The following UBAC2 variants were observed in gnomAD, a reference collection of about 807,000 sequenced individuals.
UBAC2 encodes the protein UBA domain containing 2.
In UBAC2, 26 loss-of-function variants were observed where a neutral mutation model predicts 44.0. The observed-to-expected ratio is 0.59, with a 90% confidence interval of 0.43 to 0.82. The LOEUF (loss-of-function observed/expected upper bound fraction) is 0.82, where lower values mean the gene tolerates loss of function less well. UBAC2 is among the 40% of genes least tolerant of loss of function. The pLI, the probability that UBAC2 is intolerant of heterozygous loss-of-function variation, is 0.00. For missense variants in UBAC2, 329 were observed against 419.4 expected (o/e 0.78, Z 1.88); for synonymous variants, 155 against 154.3 (o/e 1.00, Z -0.04).
chr13:99,330,760 C>T (rs1209202955), intron 6 of UBAC2, among the ~76,000 whole-genome samples: 1 of 152,168 alleles, frequency 6.6e-6, no homozygotes, highest in Admixed American at 6.5e-5. Context: ...TTGAGTTTTT[C>T]ACCATTGAGG....
chr13:99,201,775 T>C (rs956936279), intron 1 of UBAC2, among the ~76,000 whole-genome samples: 2 of 152,084 alleles, frequency 1.3e-5, no homozygotes, highest in African/African-American at 2.4e-5. Flanking sequence ...CATTTCCAAA[T>C]ATTAAAGATC....
At chr13:99,328,624 T>A (rs2044672725) in intron 6 of UBAC2, among the ~76,000 whole-genome samples, 1 of 152,210 alleles carries the variant, frequency 6.6e-6, no homozygotes, top group Non-Finnish European at 1.5e-5. Flanking sequence ...ATGTGCTTAG[T>A]GGTCATTTTC....
intron 7 of UBAC2, among the ~76,000 whole-genome samples, chr13:99,358,920 A>G (rs1359585612): frequency 6.6e-6 from 1 of 152,222 alleles, no homozygotes; most frequent in African/African-American, 2.4e-5. Flanking sequence ...ACAGTGGGTT[A>G]CATGGCTCTG....
chr13:99,287,063 AT>A (rs1407776705), intron 4 of UBAC2, among the ~76,000 whole-genome samples: 11 of 152,314 alleles, frequency 7.2e-5, no homozygotes, highest in Admixed American at 5.9e-4. Context: ...GAATGGTATA[AT>A]GACTACCATG....
intron 6 of UBAC2, among the ~76,000 whole-genome samples, chr13:99,325,956 G>T (rs2044636514): frequency 6.6e-6 from 1 of 152,166 alleles, no homozygotes; most frequent in South Asian, 2.1e-4. Context: ...GGGCACTTAG[G>T]TTGTTTCCCC....
chr13:99,316,410 AATGAATGG>A (rs1167405093), intron 5 of UBAC2, among the ~76,000 whole-genome samples: 1 of 152,132 alleles, frequency 6.6e-6, no homozygotes, highest in Admixed American at 6.5e-5. Context: ...TGAATGAATG[AATGAATGG>A]ATGAATGAAT....
Position 99,200,865 on chromosome 13 carries a change from TC to T in UBAC2, c.-40del. On this transcript the variant is annotated 5_prime_UTR_variant, in exon 1 of 9. Coordinates refer to ENST00000403766, the MANE Select transcript of UBAC2 (RefSeq NM_001144072.2). ...GGTCGCTGGGGCTCGCACTTCAGCT[TC>T]CCCTCCCCCGGCGCCCTCTGGGGCT... 7.8e-7 allele frequency: 1 copy of T among 1,282,622 alleles called. No individual in the cohort carries two copies. 79.5% of individuals were successfully genotyped at this position (1,282,622 alleles called of 1,614,324 possible).
intron 4 of UBAC2, among the ~76,000 whole-genome samples, chr13:99,285,387 TTTC>T (rs1185190531): frequency 4.0e-5 from 6 of 151,584 alleles, no homozygotes; most frequent in African/African-American, 7.3e-5. Context: ...TATTATTACC[TTTC>T]TTCTTTTTTT....
At chr13:99,320,812 T>C (rs1486187787) in intron 6 of UBAC2, among the ~76,000 whole-genome samples, 1 of 152,256 alleles carries the variant, frequency 6.6e-6, no homozygotes, top group Non-Finnish European at 1.5e-5. Flanking sequence ...TACACACCAC[T>C]GACTATAGGA....
intron 4 of UBAC2, chr13:99,256,020 C>T (rs41279140): frequency 0.027 from 18,042 of 676,724 alleles, 370 homozygotes; most frequent in Non-Finnish European, 0.03. Flanking sequence ...AGCATTTAAT[C>T]AAGGAACGAT....
rs532623354 is a variant in UBAC2 at position 99,264,584 on chromosome 13, A to C, written c.389+19960A>C. On this transcript the variant is annotated intron_variant, in intron 4 of 8. Transcript: ENST00000403766. Reference sequence around the variant, plus strand: ...TGCAGGAGCCCAGCATGTGCCACTAACTGACCAGGTTGTCTTAACCATGTT... The same window carrying C: ...TGCAGGAGCCCAGCATGTGCCACTACCTGACCAGGTTGTCTTAACCATGTT... Among the ~76,000 whole-genome samples, 6 of 152,174 alleles carry C rather than the reference A, an allele frequency of 3.9e-5. No homozygotes were observed. The South Asian group carries it at 1.2e-3, about 32-fold the overall frequency.
At chr13:99,338,089 A>T (rs1271245718) in intron 6 of UBAC2, among the ~76,000 whole-genome samples, 2 of 88,574 alleles carry the variant, frequency 2.3e-5, no homozygotes, top group African/African-American at 1.1e-4. Context: ...ACAGAGTCTC[A>T]CTGTGTCGCC....
intron 4 of UBAC2, among the ~76,000 whole-genome samples, chr13:99,292,359 G>A (rs970114354): frequency 6.6e-6 from 1 of 151,718 alleles, no homozygotes; most frequent in Non-Finnish European, 1.5e-5. Context: ...AGCCAGGATG[G>A]TCTCAATCTC....
intron 4 of UBAC2, chr13:99,258,485 G>A (rs1455291582): frequency 6.6e-6 from 1 of 152,082 alleles, no homozygotes; most frequent in East Asian, 1.9e-4. Flanking sequence ...GTCACACTTA[G>A]CATAAGCTCC....
chr13:99,205,964 GA>G (rs1359455372), intron 1 of UBAC2: 1 of 153,572 alleles, frequency 6.5e-6, no homozygotes, highest in African/African-American at 2.4e-5. Context: ...GGATTCTAAA[GA>G]TGTGTATTCT....
intron 1 of UBAC2, among the ~76,000 whole-genome samples, chr13:99,230,790 C>T (rs956773005): frequency 6.6e-6 from 1 of 152,118 alleles, no homozygotes; most frequent in Non-Finnish European, 1.5e-5. Flanking sequence ...GCGGCTCACG[C>T]TTGTAATCCT....
chr13:99,264,975 T>G (rs536419357), intron 4 of UBAC2, among the ~76,000 whole-genome samples: 1 of 152,072 alleles, frequency 6.6e-6, no homozygotes, highest in South Asian at 2.1e-4. Flanking sequence ...CTGTTTTTTT[T>G]TTTTTTTTTA....
At chr13:99,298,619 AAT>A (rs1214075579) in intron 4 of UBAC2, among the ~76,000 whole-genome samples, 1 of 152,216 alleles carries the variant, frequency 6.6e-6, no homozygotes, top group Non-Finnish European at 1.5e-5. Flanking sequence ...GGAAGAAAAC[AAT>A]AGAGATAACT....
At chr13:99,325,255 AC>A (rs2044624936) in intron 6 of UBAC2, among the ~76,000 whole-genome samples, 1 of 151,982 alleles carries the variant, frequency 6.6e-6, no homozygotes, top group Non-Finnish European at 1.5e-5. Flanking sequence ...GGCGCCTGTC[AC>A]CATGCCCAGC....
Sources: gnomAD v4.1 joint callset for allele counts (sites outside exome capture counted in the v4.1 genomes callset) on GRCh38, gnomAD v4.1.1 for gene constraint, MANE v1.5 for transcripts, NCBI Gene and HGNC (gene_info 2026-07-23, HGNC 2026-07-21) for gene names.